The following ZNG1A variants were observed in gnomAD, a reference collection of about 807,000 sequenced individuals.
ZNG1A encodes the protein zinc-regulated GTPase metalloprotein activator 1A.
the ZNG1A span, among the ~76,000 whole-genome samples, chr9:169,541 T>TA: frequency 1.4e-5 from 2 of 143,900 alleles, no homozygotes; most frequent in African/African-American, 2.7e-5. Flanking sequence ...ATACTGTGGG[T>TA]AAAATGCTAT....
chr9:168,345 C>T, the ZNG1A span, among the ~76,000 whole-genome samples: 23 of 152,138 alleles, frequency 1.5e-4, no homozygotes, highest in East Asian at 4.1e-3. Flanking sequence ...CTCCGTCTCC[C>T]GGGTTCAAGC....
At chr9:145,673 C>A in the ZNG1A span, among the ~76,000 whole-genome samples, 83,265 of 150,612 alleles carry the variant, frequency 0.55, 24,343 homozygotes, top group African/African-American at 0.75. Flanking sequence ...CATTGTGCAC[C>A]TGTACCCTAA....
the ZNG1A span, among the ~76,000 whole-genome samples, chr9:154,967 C>T: frequency 1.3e-4 from 20 of 152,116 alleles, no homozygotes; most frequent in African/African-American, 4.8e-4. Context: ...TCAGTTTACT[C>T]CTAATCCGCT....
At chr9:171,979 A>G in the ZNG1A span, 1 of 1,582,972 alleles carries the variant, frequency 6.3e-7, no homozygotes, top group Non-Finnish European at 8.6e-7. Context: ...TTGGTTTAAT[A>G]CTAACAAAAG....
the ZNG1A span, among the ~76,000 whole-genome samples, chr9:156,108 C>T: frequency 6.7e-6 from 1 of 148,832 alleles, no homozygotes; most frequent in Admixed American, 6.7e-5. Flanking sequence ...GCCTGGGTGA[C>T]AGTGAGATTC....
chr9:175,390 T>A, the ZNG1A span, among the ~76,000 whole-genome samples: 66 of 135,110 alleles, frequency 4.9e-4, 1 homozygote, highest in South Asian at 0.015. Context: ...AAAAATAAAA[T>A]AAAATAAAAA....
the ZNG1A span, chr9:171,672 T>C: frequency 4.1e-6 from 1 of 242,678 alleles, no homozygotes; most frequent in Non-Finnish European, 8.0e-6. Flanking sequence ...AGGCAAATAC[T>C]ACACCATTTT....
chr9:167,157 C>T, the ZNG1A span: 9 of 151,340 alleles, frequency 5.9e-5, no homozygotes, highest in African/African-American at 2.2e-4. Context: ...TCTACAGTAA[C>T]ACTAGATGTC....
At chr9:140,066 G>A in the ZNG1A span, among the ~76,000 whole-genome samples, 1 of 150,736 alleles carries the variant, frequency 6.6e-6, no homozygotes, top group Non-Finnish European at 1.5e-5. Context: ...CAAACTGCAA[G>A]GCGGCAGCGA....
At chr9:145,157 G>C in the ZNG1A span, among the ~76,000 whole-genome samples, 1 of 150,610 alleles carries the variant, frequency 6.6e-6, no homozygotes, top group African/African-American at 2.5e-5. Context: ...CAGGGATCTA[G>C]AACTAGAAAT....
chr9:128,601 A>T, the ZNG1A span, among the ~76,000 whole-genome samples: 131,442 of 143,032 alleles, frequency 0.92, 60,562 homozygotes, highest in East Asian at 1. Flanking sequence ...CTTTTTTTTT[A>T]TATATCTTTA....
chr9:174,096 G>A, the ZNG1A span, among the ~76,000 whole-genome samples: 1 of 149,268 alleles, frequency 6.7e-6, no homozygotes, highest in South Asian at 2.1e-4. Context: ...GCAGTGACCC[G>A]AGACTGCGCC....
At chr9:126,634 T>C in the ZNG1A span, among the ~76,000 whole-genome samples, 1 of 152,138 alleles carries the variant, frequency 6.6e-6, no homozygotes, top group South Asian at 2.1e-4. Flanking sequence ...ATCAATTTTA[T>C]TTATCTTTTC....
At chr9:129,081 G>A in the ZNG1A span, among the ~76,000 whole-genome samples, 91 of 151,080 alleles carry the variant, frequency 6.0e-4, no homozygotes, top group Admixed American at 7.3e-4. Context: ...CAGTGGAGGC[G>A]GTAGGAGGGT....
chr9:152,292 A>G, the ZNG1A span, among the ~76,000 whole-genome samples: 1 of 152,200 alleles, frequency 6.6e-6, no homozygotes, highest in Non-Finnish European at 1.5e-5. Flanking sequence ...CCACTCATAC[A>G]TTAATAAAAC....
At chr9:166,425 T>C in the ZNG1A span, 1 of 151,354 alleles carries the variant, frequency 6.6e-6, no homozygotes, top group African/African-American at 2.4e-5. Flanking sequence ...TTCTCCCACA[T>C]CAAGAAGAAA....
chr9:171,974 T>G, the ZNG1A span: 1 of 1,578,264 alleles, frequency 6.3e-7, no homozygotes, highest in Non-Finnish European at 8.6e-7. Context: ...AGTTTTTGGT[T>G]TAATACTAAC....
At chr9:136,859 G>A in the ZNG1A span, among the ~76,000 whole-genome samples, 27 of 152,028 alleles carry the variant, frequency 1.8e-4, no homozygotes, top group Non-Finnish European at 2.5e-4. Context: ...GCAACGTAGC[G>A]AGAGCCTGTC....
the ZNG1A span, among the ~76,000 whole-genome samples, chr9:152,694 T>A: frequency 6.6e-6 from 1 of 151,852 alleles, no homozygotes; most frequent in African/African-American, 2.4e-5. Context: ...AAAGTACCTG[T>A]TAAATTCTTT....
Sources: allele counts gnomAD v4.1 joint callset (sites outside exome capture counted in the v4.1 genomes callset), GRCh38; gene constraint gnomAD v4.1.1; transcripts MANE v1.5; gene names NCBI Gene and HGNC (gene_info 2026-07-23, HGNC 2026-07-21).